Variants in ZMAT4 observed in about 807,000 individuals in gnomAD.
ZMAT4 encodes the protein zinc finger matrin-type 4, also known as zinc finger matrin-type protein 4.
ZMAT4 carries 17 observed loss-of-function variants against 28.7 expected under a neutral mutation model. That is an observed-to-expected ratio of 0.59 (90% CI 0.41 to 0.89). ZMAT4 has a LOEUF of 0.89. Ranked by LOEUF, ZMAT4 falls within the 40% of genes least tolerant of loss-of-function variation. ZMAT4 has a pLI of 0.00. For missense variants in ZMAT4, 240 were observed against 283.8 expected (o/e 0.85, Z 1.11); for synonymous variants, 117 against 109.2 (o/e 1.07, Z -0.44).
At chr8:40,889,870 G>A (rs1257166822) in intron 1 of ZMAT4, among the ~76,000 whole-genome samples, 2 of 152,178 alleles carry the variant, frequency 1.3e-5, no homozygotes, top group Non-Finnish European at 1.5e-5. Context: ...ATTCCTAGAA[G>A]AGGAATTGCT....
At chr8:40,612,897 C>A (rs1386379240) in intron 5 of ZMAT4, among the ~76,000 whole-genome samples, 1 of 150,786 alleles carries the variant, frequency 6.6e-6, no homozygotes, top group Non-Finnish European at 1.5e-5. Flanking sequence ...ACTGCAACCT[C>A]CGCCTGCCAG....
chr8:40,647,644 C>G (rs1170348482), intron 5 of ZMAT4, among the ~76,000 whole-genome samples: 1 of 152,186 alleles, frequency 6.6e-6, no homozygotes, highest in Non-Finnish European at 1.5e-5. Context: ...AACAAAAAGA[C>G]AGCAGTAACT....
chr8:40,755,237 G>A lies in ZMAT4; in HGVS notation c.192+12404C>T, dbSNP rs188490864. 1.3e-3 allele frequency among the ~76,000 whole-genome samples: 193 copies of A among 152,208 alleles called. 1 individual carries two copies. Among genetic ancestry groups the A allele is most frequent in the Middle Eastern group, 3.4e-3 (1 of 294 alleles). On this transcript the variant is annotated intron_variant, in intron 3 of 6. Transcript: ENST00000297737. Reference sequence around the variant, plus strand: ...CAGCCACAAACTGAAAGTCTGATAAGGAAGAGAAGAAAGGCACCTTTAGAG... The same window carrying A: ...CAGCCACAAACTGAAAGTCTGATAAAGAAGAGAAGAAAGGCACCTTTAGAG...
At chr8:40,713,513 A>G (rs1810712452) in intron 3 of ZMAT4, among the ~76,000 whole-genome samples, 1 of 152,210 alleles carries the variant, frequency 6.6e-6, no homozygotes, top group Non-Finnish European at 1.5e-5. Context: ...ATATTTTTAA[A>G]TGCTTAGCTA....
chr8:40,828,205 G>C (rs754286338), intron 1 of ZMAT4, among the ~76,000 whole-genome samples: 34 of 152,210 alleles, frequency 2.2e-4, no homozygotes, highest in Non-Finnish European at 3.7e-4. Flanking sequence ...ATGTTTTGAT[G>C]ATGAAGAACT....
At chr8:40,748,864 G>T (rs1406856339) in intron 3 of ZMAT4, among the ~76,000 whole-genome samples, 2 of 151,858 alleles carry the variant, frequency 1.3e-5, no homozygotes, top group African/African-American at 2.4e-5. Context: ...TGGTTTGGTT[G>T]TGTCCCCATC....
chr8:40,801,043 T>C (rs1814808909), intron 2 of ZMAT4, among the ~76,000 whole-genome samples: 1 of 151,936 alleles, frequency 6.6e-6, no homozygotes, highest in South Asian at 2.1e-4. Context: ...GGAACATTAC[T>C]ACAGGTCTCA....
intron 1 of ZMAT4, among the ~76,000 whole-genome samples, chr8:40,877,464 C>T (rs1467321460): frequency 2.0e-5 from 3 of 152,188 alleles, no homozygotes; most frequent in African/African-American, 7.2e-5. Context: ...AAGGTGCCCT[C>T]TTGCTGAACT....
At chr8:40,534,010 A>AG (rs1442266361) in intron 6 of ZMAT4, among the ~76,000 whole-genome samples, 1 of 152,212 alleles carries the variant, frequency 6.6e-6, no homozygotes, top group African/African-American at 2.4e-5. Context: ...CGTAACAGTA[A>AG]GAAGACCAAA....
chr8:40,794,604 C>G (rs905171207), intron 2 of ZMAT4, among the ~76,000 whole-genome samples: 3 of 152,162 alleles, frequency 2.0e-5, no homozygotes, highest in Admixed American at 6.5e-5. Flanking sequence ...AACAGCAGAG[C>G]ACGTGGCCTG....
At chr8:40,588,362 TTGTAACACA>T (rs1241466966) in intron 5 of ZMAT4, among the ~76,000 whole-genome samples, 1 of 152,042 alleles carries the variant, frequency 6.6e-6, no homozygotes, top group Non-Finnish European at 1.5e-5. Flanking sequence ...GGAAAAATAT[TTGTAACACA>T]TGTATCTGAT....
chr8:40,787,431 G>A (rs1483988053), intron 2 of ZMAT4, among the ~76,000 whole-genome samples: 3 of 152,158 alleles, frequency 2.0e-5, no homozygotes, highest in Admixed American at 6.5e-5. Flanking sequence ...TTTGAAATGA[G>A]ACAGCAAAAG....
intron 1 of ZMAT4, among the ~76,000 whole-genome samples, chr8:40,850,401 C>T (rs1817059553): frequency 6.6e-6 from 1 of 152,122 alleles, no homozygotes; most frequent in South Asian, 2.1e-4. Flanking sequence ...TCTGCACGGC[C>T]CAGGACTCCC....
chr8:40,747,062 C>A (rs1428079613), intron 3 of ZMAT4, among the ~76,000 whole-genome samples: 1 of 152,164 alleles, frequency 6.6e-6, no homozygotes, highest in African/African-American at 2.4e-5. Flanking sequence ...AGGGCAGGGA[C>A]CCTTCCCGGC....
At chr8:40,662,652 T>C (rs1419983715) in intron 5 of ZMAT4, among the ~76,000 whole-genome samples, 5 of 152,176 alleles carry the variant, frequency 3.3e-5, no homozygotes, top group South Asian at 2.1e-4. Context: ...AATGCCCCTA[T>C]AGTATGTAAA....
chr8:40,869,836 C>G (rs944162074), intron 1 of ZMAT4, among the ~76,000 whole-genome samples: 4 of 152,154 alleles, frequency 2.6e-5, no homozygotes, highest in Admixed American at 2.0e-4. Flanking sequence ...AGCAGGGCAC[C>G]GATCCGCCTT....
intron 1 of ZMAT4, among the ~76,000 whole-genome samples, chr8:40,844,980 G>C (rs982503121): frequency 6.6e-6 from 1 of 152,106 alleles, no homozygotes; most frequent in African/African-American, 2.4e-5. Flanking sequence ...GGTCCACTGG[G>C]TGACCTCACG....
At chr8:40,779,514 G>T (rs1225188546) in intron 2 of ZMAT4, among the ~76,000 whole-genome samples, 2 of 152,140 alleles carry the variant, frequency 1.3e-5, no homozygotes, top group Non-Finnish European at 2.9e-5. Context: ...GCTGAGAGGG[G>T]ACTGCCGGAG....
chr8:40,711,096 A>G (rs1039484427), intron 3 of ZMAT4, among the ~76,000 whole-genome samples: 1 of 152,174 alleles, frequency 6.6e-6, no homozygotes, highest in Non-Finnish European at 1.5e-5. Flanking sequence ...GATTTTTCAA[A>G]TAGCTCCAAA....
Sources: gnomAD v4.1 joint callset for allele counts (sites outside exome capture counted in the v4.1 genomes callset) on GRCh38, gnomAD v4.1.1 for gene constraint, MANE v1.5 for transcripts, NCBI Gene and HGNC (gene_info 2026-07-23, HGNC 2026-07-21) for gene names.